Variants in SEC22C observed in about 807,000 individuals in gnomAD.
The protein encoded by SEC22C is vesicle-trafficking protein SEC22c.
Under a neutral mutation model 34.7 loss-of-function variants are expected in SEC22C, and 29 were observed. The ratio of observed to expected loss-of-function variants is 0.84; its 90% confidence interval spans 0.62 to 1.14. The LOEUF (loss-of-function observed/expected upper bound fraction) is 1.14, where lower values mean the gene tolerates loss of function less well. SEC22C is among the 50% of genes most tolerant of loss of function. SEC22C has a pLI of 0.00. For missense variants in SEC22C, 337 were observed against 369.0 expected, an observed-to-expected ratio of 0.91 and a Z score of 0.71; for synonymous variants, 117 against 132.8, an observed-to-expected ratio of 0.88 and a Z score of 0.82.
At chr3:42,554,816 G>A (rs956758168) in intron 6 of SEC22C, among the ~76,000 whole-genome samples, 2 of 152,166 alleles carry the variant, frequency 1.3e-5, no homozygotes, top group Admixed American at 1.3e-4. Context: ...GCTTTCACTA[G>A]AATTAACTCT....
chr3:42,594,746 G>A lies in SEC22C; in HGVS notation c.-28+6214C>T, dbSNP rs554827466. ...AAATCCCTCAATAAGTTGAGCCCAG[G>A]TGTCCTCTTTCCTGAACTTGGAGCA... On this transcript the variant is annotated intron_variant, in intron 1 of 6. Coordinates refer to the SEC22C transcript ENST00000417572. 1.0e-4 allele frequency: 35 copies of A among 350,942 alleles called. 1 individual carries two copies. The South Asian group carries it at 1.5e-3, about 15-fold the overall frequency. 21.7% of individuals were successfully genotyped at this position (350,942 alleles called of 1,614,324 possible).
rs200185579 is a variant in SEC22C, at chr3:42,548,623, G to A, written c.*4625C>T. The A allele has an allele frequency of 6.2e-7, 1 of 1,613,752 alleles. No homozygotes were observed. The highest frequency in any genetic ancestry group is 2.2e-5 in the East Asian group (1 of 44,892). ...GGGTCAGGGGTGGCTGGCTCACGAG[G>A]TTTGGTCCAACCAGCAGAACCAGCT... On this transcript the variant is annotated 3_prime_UTR_variant, in exon 7 of 7. Transcript: ENST00000264454.
chr3:42,565,830 C>T (rs1188961359), intron 2 of SEC22C: 2 of 443,398 alleles, frequency 4.5e-6, no homozygotes, highest in Admixed American at 2.6e-5. Flanking sequence ...TTTGTTATGG[C>T]AGCCTTAGGG....
At chr3:42,566,473 G>A (rs572889063) in intron 2 of SEC22C, among the ~76,000 whole-genome samples, 20 of 152,132 alleles carry the variant, frequency 1.3e-4, no homozygotes, top group African/African-American at 4.8e-4. Flanking sequence ...TTAGGAGCTC[G>A]AGACCATCCT....
chr3:42,562,969 G>A (rs572899905), intron 3 of SEC22C, among the ~76,000 whole-genome samples: 17 of 152,264 alleles, frequency 1.1e-4, no homozygotes, highest in Non-Finnish European at 1.9e-4. Context: ...TCAAATTACT[G>A]TAAGAATTTC....
intron 1 of SEC22C, among the ~76,000 whole-genome samples, chr3:42,573,049 G>A (rs548101243): frequency 7.2e-4 from 109 of 151,980 alleles, no homozygotes; most frequent in Non-Finnish European, 1.4e-3. Context: ...ACAGGGTCTC[G>A]CTATGTTGCT....
rs1469707359 is a variant in SEC22C at position 42,561,162 on chromosome 3, C to T, written c.481G>A (p.Ala161Thr). 4 of 1,614,088 alleles carry T rather than the reference C, an allele frequency of 2.5e-6. No homozygotes were observed. The African/African-American group carries it at 4.0e-5, about 16-fold the overall frequency. Residue 161 changes from alanine to threonine, a missense_variant, in exon 4 of 7, where the codon GCA (alanine) becomes ACA (threonine). Coordinates refer to ENST00000264454, the MANE Select transcript of SEC22C (RefSeq NM_032970.4). ...GTGTGACCATTCATCACCCCATTTG[C>T]CACATCTGTGTCCTCCAGAGTGAGA... ...AVLTLEDTDVANGVMNGHTPM... is the reference protein window; with the variant it reads ...AVLTLEDTDVTNGVMNGHTPM...
intron 2 of SEC22C, chr3:42,563,940 G>T: frequency 1.5e-6 from 2 of 1,369,334 alleles, no homozygotes. Flanking sequence ...CATGAGGGAT[G>T]CATATTCTAT....
At chr3:42,577,686 TG>T (rs1297400965) in intron 1 of SEC22C, among the ~76,000 whole-genome samples, 3 of 152,182 alleles carry the variant, frequency 2.0e-5, no homozygotes, top group African/African-American at 7.2e-5. Context: ...TAGAAAAGTC[TG>T]GGCCAGGCGC....
intron 3 of SEC22C, among the ~76,000 whole-genome samples, chr3:42,562,470 T>G (rs1403077733): frequency 6.6e-6 from 1 of 152,214 alleles, no homozygotes; most frequent in Non-Finnish European, 1.5e-5. Context: ...GGCTGGAGCC[T>G]GCCTACCAGG....
intron 1 of SEC22C, chr3:42,590,950 A>G: frequency 6.9e-7 from 1 of 1,451,156 alleles, no homozygotes; most frequent in Non-Finnish European, 9.3e-7. Context: ...GAAGTCAATC[A>G]AGAGACTATC....
intron 1 of SEC22C, chr3:42,595,082 A>G (rs1704989686): frequency 6.6e-6 from 1 of 152,270 alleles, no homozygotes; most frequent in African/African-American, 2.4e-5. Flanking sequence ...CATAAAGTAT[A>G]TAAAAACAAT....
chr3:42,594,633 C>A, intron 1 of SEC22C: 2 of 736,222 alleles, frequency 2.7e-6, no homozygotes, highest in Non-Finnish European at 2.3e-6. Flanking sequence ...ATGAATGAAA[C>A]CTCTGTGGCT....
chr3:42,549,232 TTG>T lies in SEC22C; in HGVS notation c.*4014_*4015del. 3 of 986,532 alleles carry T rather than the reference TTG, an allele frequency of 3.0e-6. No individual in the cohort carries two copies. The highest frequency in any genetic ancestry group is 3.6e-6 in the Non-Finnish European group (3 of 830,630). 61.1% of individuals were successfully genotyped at this position (986,532 alleles called of 1,614,324 possible). A position where few individuals can be genotyped will look rare whatever the true frequency, so the allele number is the denominator to read the frequency against. On this transcript the variant is annotated 3_prime_UTR_variant, in exon 7 of 7. Transcript: ENST00000264454. Reference sequence around the variant, plus strand: ...ATGTGAGCAATGTCTGAACAGGGGCTTGCCAGGCACATCTGATCACCATAAAT... The same window carrying T: ...ATGTGAGCAATGTCTGAACAGGGGCTCCAGGCACATCTGATCACCATAAAT...
chr3:42,589,374 C>T (rs1704734440), intron 1 of SEC22C, among the ~76,000 whole-genome samples: 1 of 152,172 alleles, frequency 6.6e-6, no homozygotes, highest in African/African-American at 2.4e-5. Context: ...TGCTCAGGAT[C>T]AGGGCCACCA....
intron 1 of SEC22C, among the ~76,000 whole-genome samples, chr3:42,589,685 T>C (rs978968632): frequency 7.2e-5 from 11 of 152,152 alleles, no homozygotes; most frequent in Non-Finnish European, 1.6e-4. Flanking sequence ...GAGATCTAGG[T>C]TGCGCGCTCC....
At chr3:42,577,122 T>C (rs1704015240) in intron 1 of SEC22C, among the ~76,000 whole-genome samples, 1 of 152,092 alleles carries the variant, frequency 6.6e-6, no homozygotes. Context: ...AAATTTATCA[T>C]AGATATAAAT....
At chr3:42,579,607 C>CAAAAAA (rs1279147159) in intron 1 of SEC22C, 1 of 85,784 alleles carries the variant, frequency 1.2e-5, no homozygotes, top group Non-Finnish European at 2.7e-5. Context: ...TCTCAAAAAA[C>CAAAAAA]AAAAAAAAAA....
chr3:42,584,331 T>C (rs1704540439), upstream of SEC22C, among the ~76,000 whole-genome samples: 1 of 152,190 alleles, frequency 6.6e-6, no homozygotes. Flanking sequence ...CTCGGCCCAC[T>C]GCAACCTGCG....
Sources: gnomAD v4.1 joint callset for allele counts (sites outside exome capture counted in the v4.1 genomes callset) on GRCh38, gnomAD v4.1.1 for gene constraint, MANE v1.5 for transcripts, NCBI Gene and HGNC (gene_info 2026-07-23, HGNC 2026-07-21) for gene names.